Variants in TNR observed in about 807,000 individuals in gnomAD.
TNR encodes tenascin-R.
TNR carries 45 observed loss-of-function variants against 150.4 expected under a neutral mutation model. The observed-to-expected ratio is 0.30, with a 90% CI of 0.24 to 0.38. TNR has a LOEUF of 0.38. Ranked by LOEUF, TNR falls within the 10% of genes least tolerant of loss-of-function variation. The probability of loss-of-function intolerance (pLI) is 1.00; values close to 1 mark genes in which losing one functional copy is unlikely to be tolerated. For synonymous variants in TNR, 687 were observed against 678.4 expected, an observed-to-expected ratio of 1.01 and a Z score of -0.20; for missense variants, 1,544 against 1,759.1, an observed-to-expected ratio of 0.88 and a Z score of 2.19.
At chr1:175,387,065 C>T (rs1430992814) in intron 7 of TNR, among the ~76,000 whole-genome samples, 3 of 152,208 alleles carry the variant, frequency 2.0e-5, no homozygotes, top group Non-Finnish European at 4.4e-5. Context: ...CTGTGCAGGT[C>T]AGGGCAACAC....
chr1:175,596,555 G>C (rs2101842856), intron 1 of TNR, among the ~76,000 whole-genome samples: 1 of 152,292 alleles, frequency 6.6e-6, no homozygotes, highest in Admixed American at 6.5e-5. Flanking sequence ...AAACTGGAAG[G>C]ATGGATTATT....
At chr1:175,410,137 G>A (rs914114096) in intron 2 of TNR, among the ~76,000 whole-genome samples, 2 of 152,062 alleles carry the variant, frequency 1.3e-5, no homozygotes, top group Admixed American at 6.5e-5. Flanking sequence ...AGATAGTGAG[G>A]GAACAGTGAG....
chr1:175,521,222 T>C (rs1460393524), intron 2 of TNR, among the ~76,000 whole-genome samples: 1 of 152,192 alleles, frequency 6.6e-6, no homozygotes, highest in Non-Finnish European at 1.5e-5. Flanking sequence ...GTCCTTACTT[T>C]ACCAATCTCT....
chr1:175,594,942 A>G (rs1316457320), intron 1 of TNR, among the ~76,000 whole-genome samples: 7 of 151,628 alleles, frequency 4.6e-5, no homozygotes, highest in African/African-American at 1.7e-4. Flanking sequence ...AAGTGGGTGG[A>G]TCACCTAAGG....
intron 2 of TNR, among the ~76,000 whole-genome samples, chr1:175,459,698 G>A (rs1191246750): frequency 6.6e-6 from 1 of 152,150 alleles, no homozygotes; most frequent in Non-Finnish European, 1.5e-5. Context: ...GGAGAGGGGA[G>A]CCTGAGAAAG....
rs1357326363 is a variant in TNR at position 175,319,170 on chromosome 1, G to A, written c.*4187C>T. On this transcript the variant is annotated 3_prime_UTR_variant, in exon 23 of 23. Transcript: ENST00000367674. ...TGGCCCCACCTTTCCTGAAATTCTG[G>A]GTGGAGGTTACAAAAAAGAAAAAGA... 6.6e-6 allele frequency: 1 copy of A among 152,160 alleles called. No individual in the cohort carries two copies. 9.4% of individuals were successfully genotyped at this position (152,160 alleles called of 1,614,324 possible). A position where few individuals can be genotyped will look rare whatever the true frequency, so the allele number is the denominator to read the frequency against.
At chr1:175,712,529 G>A (rs1167737467) in intron 1 of TNR, among the ~76,000 whole-genome samples, 1 of 152,150 alleles carries the variant, frequency 6.6e-6, no homozygotes, top group East Asian at 1.9e-4. Flanking sequence ...GGCTGATAGG[G>A]TTTGGATATT....
At chr1:175,402,394 T>C (rs907218148) in intron 4 of TNR, among the ~76,000 whole-genome samples, 1 of 146,690 alleles carries the variant, frequency 6.8e-6, no homozygotes, top group African/African-American at 2.5e-5. Flanking sequence ...TGGGTTTAGA[T>C]CCCCATTTTA....
intron 6 of TNR, among the ~76,000 whole-genome samples, 182 bp from the exon 7 acceptor site, chr1:175,391,620 A>G (rs1477355328): frequency 6.6e-6 from 1 of 152,240 alleles, no homozygotes; most frequent in Non-Finnish European, 1.5e-5. Context: ...CATAGACTCC[A>G]TAAGAATGAC....
At chr1:175,332,701 G>A (rs75182325) in intron 20 of TNR, among the ~76,000 whole-genome samples, 4,829 of 152,198 alleles carry the variant, frequency 0.032, 113 homozygotes, top group Middle Eastern at 0.082. Context: ...TAAGTTTGCA[G>A]TTGTCAGGAG....
intron 19 of TNR, among the ~76,000 whole-genome samples, chr1:175,336,779 G>T (rs1650272549): frequency 6.6e-6 from 1 of 152,176 alleles, no homozygotes; most frequent in African/African-American, 2.4e-5. Flanking sequence ...TCCATGTTTG[G>T]GGCCTCATCT....
At chr1:175,405,086 G>A (rs1398638037) in intron 3 of TNR, among the ~76,000 whole-genome samples, 1 of 152,182 alleles carries the variant, frequency 6.6e-6, no homozygotes, top group African/African-American at 2.4e-5. Context: ...TGAGATCATG[G>A]ATCCTATAGA....
intron 7 of TNR, among the ~76,000 whole-genome samples, chr1:175,388,030 C>T (rs952307462): frequency 3.3e-5 from 5 of 152,174 alleles, no homozygotes; most frequent in Non-Finnish European, 7.3e-5. Flanking sequence ...CAGAATATAT[C>T]CAGTTTCTTT....
chr1:175,479,346 C>G (rs1371366526), intron 2 of TNR, among the ~76,000 whole-genome samples: 1 of 152,172 alleles, frequency 6.6e-6, no homozygotes, highest in African/African-American at 2.4e-5. Context: ...CCCAGGGGTT[C>G]CCTGACAAGT....
In TNR at chr1:175,542,715, G is replaced by T. The variant is rs546367796; in HGVS notation, c.-164-14346C>A. Among the ~76,000 whole-genome samples, 3 of 152,166 alleles carry T rather than the reference G, an allele frequency of 2.0e-5. No individual in the cohort carries two copies. In the East Asian group the frequency reaches 5.8e-4, roughly 29 times the overall value. On this transcript the variant is annotated intron_variant, in intron 1 of 22. Coordinates refer to ENST00000367674, the MANE Select transcript of TNR (RefSeq NM_003285.3). ...ATTCTCACTAAAACCACTTCTACAT[G>T]GCATTGGTCCAAAGTCTTTACTTAT...
rs556825392 is a variant in TNR, at chr1:175,660,200, A to G, written c.-165+83026T>C. ...TGAAAGGCTGCATGTGACATGAATC[A>G]GGCATTCTGACCAACTAGGGTGGTA... On this transcript the variant is annotated intron_variant, in intron 1 of 22. Coordinates refer to ENST00000367674, the MANE Select transcript of TNR (RefSeq NM_003285.3). Among the ~76,000 whole-genome samples, 16 of 152,332 alleles carry G rather than the reference A, an allele frequency of 1.1e-4. No individual in the cohort carries two copies. In the South Asian group the frequency reaches 3.3e-3, roughly 32 times the overall value.
intron 1 of TNR, among the ~76,000 whole-genome samples, chr1:175,577,694 C>T (rs1205801306): frequency 6.6e-6 from 1 of 152,090 alleles, no homozygotes; most frequent in East Asian, 1.9e-4. Context: ...CTGTGGAGGG[C>T]CACGCTAACT....
At position 175,696,686 on chromosome 1, in the gene TNR, C is replaced by T. The variant is rs531573340; in HGVS notation, c.-165+46540G>A. 5.9e-5 allele frequency among the ~76,000 whole-genome samples: 9 copies of T among 152,188 alleles called. No individual in the cohort carries two copies. In the South Asian group the frequency reaches 1.7e-3, roughly 28 times the overall value. On this transcript the variant is annotated intron_variant, in intron 1 of 22. Coordinates refer to ENST00000367674, the MANE Select transcript of TNR (RefSeq NM_003285.3). ...CCTGTGGTCGGGAGTTTGAGACCAG[C>T]CTGACCAACATGGAGAAAACCCATG...
intron 1 of TNR, among the ~76,000 whole-genome samples, chr1:175,596,209 T>C (rs79185236): frequency 6.6e-6 from 1 of 152,344 alleles, no homozygotes; most frequent in Non-Finnish European, 1.5e-5. Context: ...AGATGATATA[T>C]AGAATTATTG....
Sources: allele counts gnomAD v4.1 joint callset (sites outside exome capture counted in the v4.1 genomes callset), GRCh38; gene constraint gnomAD v4.1.1; transcripts MANE v1.5; gene names NCBI Gene and HGNC (gene_info 2026-07-23, HGNC 2026-07-21).